PRKN: variants seen among roughly 807,000 people sequenced by gnomAD.
The protein encoded by PRKN is parkin RBR E3 ubiquitin protein ligase.
A neutral mutation model predicts 59.5 loss-of-function variants in PRKN; 56 were observed. The observed-to-expected ratio is 0.94, with a 90% CI of 0.76 to 1.18. The LOEUF (loss-of-function observed/expected upper bound fraction) is 1.18, where lower values mean the gene tolerates loss of function less well. PRKN is among the 50% of genes most tolerant of loss of function. PRKN has a pLI of 0.00. For missense variants in PRKN, 657 were observed against 596.4 expected, an observed-to-expected ratio of 1.10 and a Z score of -1.06; for synonymous variants, 250 against 222.1, an observed-to-expected ratio of 1.13 and a Z score of -1.12.
intron 4 of PRKN, among the ~76,000 whole-genome samples, chr6:162,059,861 C>T (rs1185136145): frequency 6.6e-6 from 1 of 152,146 alleles, no homozygotes; most frequent in Non-Finnish European, 1.5e-5. Flanking sequence ...TATACAGACT[C>T]TGTGCTAAGA....
intron 1 of PRKN, among the ~76,000 whole-genome samples, chr6:162,643,437 A>ATT (rs914476613): frequency 2.6e-5 from 4 of 150,992 alleles, no homozygotes; most frequent in African/African-American, 7.3e-5. Context: ...CAACAAGCAT[A>ATT]TTTTTCACTA....
intron 2 of PRKN, among the ~76,000 whole-genome samples, chr6:162,376,735 G>A: frequency 7.2e-6 from 1 of 138,896 alleles, no homozygotes; most frequent in East Asian, 2.4e-4. Flanking sequence ...GAGAGGGAGG[G>A]AGTGGGAGAG....
At chr6:161,794,847 G>A (rs1156930380) in intron 6 of PRKN, among the ~76,000 whole-genome samples, 1 of 151,986 alleles carries the variant, frequency 6.6e-6, no homozygotes. Context: ...CTAATTTCTT[G>A]TAATGTTTAC....
Position 161,373,228 on chromosome 6 carries a change from G to A in PRKN, c.1168-13023C>T, listed in dbSNP as rs1344896023. ...TCTCCTTGACCTCAAAGTTAACTGA[G>A]TATAGATGTTAACCACGTCTACAAA... On this transcript the variant is annotated intron_variant, in intron 10 of 11. Transcript: ENST00000366898. This position sits in a 1 kb window ranked among gnomAD's most constrained non-coding sequence, Gnocchi z 4.8. Among the ~76,000 whole-genome samples, 2 of 152,144 alleles carry A rather than the reference G, an allele frequency of 1.3e-5. No individual in the cohort carries two copies. The highest frequency in any genetic ancestry group is 3.9e-4 in the East Asian group (2 of 5,172).
At chr6:161,690,281 T>C (rs968598447) in intron 7 of PRKN, among the ~76,000 whole-genome samples, 6 of 152,142 alleles carry the variant, frequency 3.9e-5, no homozygotes, top group Non-Finnish European at 8.8e-5. Flanking sequence ...GCACCCTCCT[T>C]ACACTCTGGC....
intron 1 of PRKN, among the ~76,000 whole-genome samples, chr6:162,535,443 G>A (rs1286088518): frequency 1.3e-5 from 2 of 151,786 alleles, no homozygotes; most frequent in Non-Finnish European, 2.9e-5. Flanking sequence ...CATATATAAT[G>A]ACCTCATGCA....
chr6:161,787,713 G>A (rs192228323), intron 6 of PRKN, among the ~76,000 whole-genome samples: 66 of 152,356 alleles, frequency 4.3e-4, no homozygotes, highest in African/African-American at 1.4e-3. Flanking sequence ...TTGGGAGGCT[G>A]AGGCAGGCGG....
intron 7 of PRKN, among the ~76,000 whole-genome samples, chr6:161,599,547 T>A (rs1418838154): frequency 1.3e-5 from 2 of 152,226 alleles, no homozygotes; most frequent in Non-Finnish European, 2.9e-5. Context: ...TCATTGGAAT[T>A]ACAGTTGACT....
intron 7 of PRKN, among the ~76,000 whole-genome samples, chr6:161,651,423 G>A (rs1784146026): frequency 1.3e-5 from 2 of 152,146 alleles, no homozygotes; most frequent in African/African-American, 4.8e-5. Flanking sequence ...GAGGGTGGGA[G>A]CAGAGGGTCT....
intron 6 of PRKN, among the ~76,000 whole-genome samples, chr6:161,896,009 G>C (rs1170591032): frequency 2.0e-5 from 3 of 152,186 alleles, no homozygotes; most frequent in African/African-American, 7.2e-5. Context: ...AGACCACCTT[G>C]TTATCAGTAA....
chr6:162,565,404 C>A (rs528723250), intron 1 of PRKN, among the ~76,000 whole-genome samples: 1 of 151,988 alleles, frequency 6.6e-6, no homozygotes, highest in Non-Finnish European at 1.5e-5. Flanking sequence ...TAACATTGGC[C>A]GGGAGCGGTG....
rs937921776 is a variant in PRKN, at chr6:162,262,658, T to A, written c.279A>T (p.Gly93=). 3 of 1,613,628 alleles carry A rather than the reference T, an allele frequency of 1.9e-6. No homozygotes were observed. Among genetic ancestry groups the A allele is most frequent in the Middle Eastern group, 3.3e-4 (2 of 6,058 alleles). The change falls in exon 3 of 12, where the codon GGA becomes GGT. Residue 93 remains glycine (G), a synonymous_variant. Transcript: ENST00000366898. ...TGGDDPRNAA[G]GCEREPQSLT... ...AGCTCTGGGGCTCCCGCTCACAGCC[T>A]CCCGCCGCGTTTCTGGGGTCGTCGC... is the stretch of plus-strand genomic sequence containing the variant.
chr6:162,213,050 T>C (rs940163555), intron 3 of PRKN, among the ~76,000 whole-genome samples: 5 of 152,080 alleles, frequency 3.3e-5, no homozygotes, highest in Admixed American at 1.3e-4. Flanking sequence ...TAGCAGTCAA[T>C]AGGAAAAAAA....
intron 2 of PRKN, among the ~76,000 whole-genome samples, chr6:162,283,956 A>G (rs560311486): frequency 6.6e-6 from 1 of 152,336 alleles, no homozygotes; most frequent in South Asian, 2.1e-4. Context: ...TTCAAATTAT[A>G]GCACAAACAT....
At chr6:161,714,313 T>G (rs1178929813) in intron 7 of PRKN, among the ~76,000 whole-genome samples, 3 of 152,198 alleles carry the variant, frequency 2.0e-5, no homozygotes, top group African/African-American at 7.2e-5. Flanking sequence ...GCAGTATTAT[T>G]AAGAAATGGC....
chr6:162,116,771 G>T (rs777618953), intron 4 of PRKN, among the ~76,000 whole-genome samples: 3 of 152,206 alleles, frequency 2.0e-5, no homozygotes, highest in African/African-American at 7.2e-5. Flanking sequence ...ATGCACAGGC[G>T]TGAAAGTCAT....
At chr6:162,120,284 G>A (rs1019030835) in intron 4 of PRKN, among the ~76,000 whole-genome samples, 5 of 152,212 alleles carry the variant, frequency 3.3e-5, no homozygotes, top group East Asian at 3.8e-4. Context: ...GATTATAGGC[G>A]TGAGCCACTG....
At chr6:162,378,000 G>C (rs1786213315) in intron 2 of PRKN, among the ~76,000 whole-genome samples, 1 of 152,120 alleles carries the variant, frequency 6.6e-6, no homozygotes, top group South Asian at 2.1e-4. Context: ...GCAGAGTGTG[G>C]GCATCGTTCA....
Position 162,568,925 on chromosome 6 carries a change from G to C in PRKN, c.8-125452C>G, listed in dbSNP as rs935006391. 101 of 671,470 alleles carry C rather than the reference G, an allele frequency of 1.5e-4. 2 individuals carry two copies. Among genetic ancestry groups the C allele is most frequent in the South Asian group, 1.4e-3 (89 of 64,218 alleles). 41.6% of individuals were successfully genotyped at this position (671,470 alleles called of 1,614,324 possible). On this transcript the variant is annotated intron_variant, in intron 1 of 11. Transcript: ENST00000366898. Reference sequence around the variant, plus strand: ...GGAAGGACATGGATGATGCTTACGTGAACAAGGTAGAGCTGTAGTCTCAGC... The same window carrying C: ...GGAAGGACATGGATGATGCTTACGTCAACAAGGTAGAGCTGTAGTCTCAGC...
Sources: allele counts gnomAD v4.1 joint callset (sites outside exome capture counted in the v4.1 genomes callset), GRCh38; gene constraint gnomAD v4.1.1; non-coding constraint Gnocchi (gnomAD v3.1); transcripts MANE v1.5; gene names NCBI Gene and HGNC (gene_info 2026-07-23, HGNC 2026-07-21).